ATG9B: variants seen among roughly 807,000 people sequenced by gnomAD.
ATG9B encodes autophagy-related protein 9B.
In ATG9B, 92 loss-of-function variants were observed where a neutral mutation model predicts 92.9. The ratio of observed to expected loss-of-function variants is 0.99; its 90% CI spans 0.84 to 1.18. ATG9B has a LOEUF of 1.18. Ranked by LOEUF, ATG9B falls within the 50% of genes most tolerant of loss-of-function variation. The pLI, the probability that ATG9B is intolerant of heterozygous loss-of-function variation, is 0.00. For missense variants in ATG9B, 1,344 were observed against 1,235.0 expected, an observed-to-expected ratio of 1.09 and a Z score of -1.32; for synonymous variants, 599 against 551.4, an observed-to-expected ratio of 1.09 and a Z score of -1.21.
At position 151,018,771 on chromosome 7, in the gene ATG9B, G is replaced by C; in HGVS notation, c.1567C>G (p.Leu523Val). 2.1e-6 allele frequency: 3 copies of C among 1,453,442 alleles called. No homozygotes were observed. Among genetic ancestry groups the C allele is most frequent in the Non-Finnish European group, 2.7e-6 (3 of 1,107,588 alleles). The allele number at this position is 1,453,442 out of a possible 1,614,324, so 90.0% of individuals were successfully genotyped here. ...AGCTGGCGGGCCAGCAGCGTGCGCAGGGGCGCGGGGGGCGCAGCGGTGCGC... is the reference window on the plus strand; with the variant it reads ...AGCTGGCGGGCCAGCAGCGTGCGCACGGGCGCGGGGGGCGCAGCGGTGCGC... ...FLRTAAPPAPLRTLLARQLVF... is the reference protein window; with the variant it reads ...FLRTAAPPAPVRTLLARQLVF... The change falls in exon 6 of 14, where the codon CTG becomes GTG. Residue 523 changes from leucine (L) to valine (V), a missense_variant. Coordinates refer to ENST00000639579, the MANE Select transcript of ATG9B (RefSeq NM_001317056.2). This position sits in a 1 kb window ranked among gnomAD's most constrained non-coding sequence, Gnocchi z 4.7.
downstream of ATG9B, chr7:151,014,272 C>T (rs1795391246): frequency 4.3e-6 from 5 of 1,175,268 alleles, no homozygotes; most frequent in Admixed American, 9.8e-5. Flanking sequence ...GTGGTGCCTT[C>T]TCACATCTGT....
rs1263072691 is a variant in ATG9B, at chr7:151,015,699, C to T, written c.*29G>A. ...TCCACCCTCCAATCTCCTGTGGCTGCCGAAGCCAGGGTACCTGTGGGAGGA... is the reference window on the plus strand; with the variant it reads ...TCCACCCTCCAATCTCCTGTGGCTGTCGAAGCCAGGGTACCTGTGGGAGGA... On this transcript the variant is annotated 3_prime_UTR_variant, in exon 14 of 14. Transcript: ENST00000639579. 1.3e-5 allele frequency: 10 copies of T among 777,220 alleles called. No individual in the cohort carries two copies. The East Asian group carries it at 2.2e-4, about 17-fold the overall frequency. The allele number at this position is 777,220 out of a possible 1,614,324, so 48.1% of individuals were successfully genotyped here.
rs532893665 is a variant in ATG9B, at chr7:151,022,035, A to G, written c.822-706T>C. 2.1e-4 allele frequency among the ~76,000 whole-genome samples: 30 copies of G among 145,412 alleles called. 2 individuals carry two copies. Among genetic ancestry groups the G allele is most frequent in the Admixed American group, 1.3e-3 (19 of 14,696 alleles). On this transcript the variant is annotated intron_variant, in intron 4 of 13. Transcript: ENST00000639579. ...TATTGAAACAAGGTCTCTCTCTGTT[A>G]CCCAGGCTGTAGTGCAGCAGTAGAA...
chr7:151,022,049 G>A (rs567998640), intron 4 of ATG9B, among the ~76,000 whole-genome samples: 1 of 147,742 alleles, frequency 6.8e-6, no homozygotes, highest in African/African-American at 2.5e-5. Flanking sequence ...AGGCTGTAGT[G>A]CAGCAGTAGA....
At position 151,018,958 on chromosome 7, in the gene ATG9B, G is replaced by A. The variant is rs1030709776; in HGVS notation, c.1380C>T (p.His460=). ...GCAGCTCCACGTGGCTATAGAAGAC[G>A]TGCAGAACCTGCCAGGCCAGCACCA... ...SPLVLAWQVL[H]VFYSHVELLR... is the part of the protein sequence containing the mutation. The change falls in exon 6 of 14, where the codon CAC becomes CAT. Residue 460 remains histidine (H), a synonymous_variant. Transcript: ENST00000639579. This position sits in a 1 kb window ranked among gnomAD's most constrained non-coding sequence, Gnocchi z 4.7. The A allele has an allele frequency of 1.5e-5, 24 of 1,576,226 alleles. No individual in the cohort carries two copies. Among genetic ancestry groups the A allele is most frequent in the Non-Finnish European group, 1.8e-5 (21 of 1,166,672 alleles).
chr7:151,019,748 G>A (rs1405016458), intron 5 of ATG9B: 12 of 198,788 alleles, frequency 6.0e-5, no homozygotes, highest in Admixed American at 3.5e-4. Flanking sequence ...CTGGCCAGGG[G>A]CGGTGGCTCA....
In ATG9B at chr7:151,018,948, T is replaced by C. The variant is rs749693609; in HGVS notation, c.1390A>G (p.Ser464Gly). The change falls in exon 6 of 14, where the codon AGC becomes GGC. Residue 464 changes from serine to glycine, a missense_variant. Transcript: ENST00000639579. The surrounding 1 kb of genome is among the most constrained non-coding windows in gnomAD (Gnocchi z 4.7). The stretch of plus-strand genomic sequence containing the variant: ...TCGCGCCGCAGCAGCTCCACGTGGC[T>C]ATAGAAGACGTGCAGAACCTGCCAG... ...LAWQVLHVFY[S>G]HVELLRREPG... is the part of the protein sequence containing the mutation. The C allele has an allele frequency of 9.2e-5, 145 of 1,569,534 alleles. No individual in the cohort carries two copies. Among genetic ancestry groups the C allele is most frequent in the Non-Finnish European group, 1.2e-4 (140 of 1,164,290 alleles).
At chr7:151,021,604 A>G (rs1215378539) in intron 4 of ATG9B, among the ~76,000 whole-genome samples, 1 of 151,954 alleles carries the variant, frequency 6.6e-6, no homozygotes, top group Non-Finnish European at 1.5e-5. Context: ...AAGACACGTG[A>G]ACATGTCACA....
At chr7:151,017,385 C>CAAGTCCCCA in intron 8 of ATG9B, 113 bp from the exon 9 acceptor site, 1 of 1,048,858 alleles carries the variant, frequency 9.5e-7, no homozygotes, top group Non-Finnish European at 1.4e-6. Flanking sequence ...ACAATGGGGA[C>CAAGTCCCCA]TTGTTCACCA....
intron 13 of ATG9B, 66 bp from the exon 14 acceptor site, chr7:151,015,779 A>G (rs991394828): frequency 3.0e-5 from 42 of 1,410,688 alleles, no homozygotes; most frequent in Admixed American, 2.6e-5. Context: ...ACCACCTCCC[A>G]TCACCCCAAA....
rs1563256204 is a variant in ATG9B at position 151,019,190 on chromosome 7, A to C, written c.1148T>G (p.Leu383Arg). Residue 383 changes from leucine to arginine, a missense_variant, in exon 6 of 14, where the codon CTG (leucine) becomes CGG (arginine). Leu to Arg is a moderately radical substitution (Grantham distance 102). Coordinates refer to ENST00000639579, the MANE Select transcript of ATG9B (RefSeq NM_001317056.2). The part of the protein sequence containing the change: ...NKGLLPARCP[L>R]PWGGSAAFLS... ...GAAAGCCGCACTGCCTCCCCAGGGC[A>C]GCGGGCAGCGGGCCGGCAGCAGGCC... 2 of 1,537,170 alleles carry C rather than the reference A, an allele frequency of 1.3e-6. No homozygotes were observed. The highest frequency in any genetic ancestry group is 1.7e-6 in the Non-Finnish European group (2 of 1,146,674).
Position 151,018,070 on chromosome 7 carries a change from G to A in ATG9B, c.1873-20C>T, listed in dbSNP as rs371698157. ...GGAGACCTGGGGAAGCAGCGGTGAG[G>A]CTGAGCAGGGGTCGCTGAGGGGCCC... On this transcript the variant is annotated intron_variant, in intron 7 of 13. Coordinates refer to ENST00000639579, the MANE Select transcript of ATG9B (RefSeq NM_001317056.2). The surrounding 1 kb of genome is among the most constrained non-coding windows in gnomAD (Gnocchi z 4.7). The A allele has an allele frequency of 1.8e-4, 286 of 1,559,444 alleles. No homozygotes were observed. In the African/African-American group the frequency reaches 3.4e-3, roughly 19 times the overall value.
In ATG9B at chr7:151,018,918, C is replaced by T; in HGVS notation, c.1420G>A (p.Gly474Ser). The change falls in exon 6 of 14, where the codon GGC becomes AGC. Residue 474 changes from glycine (G) to serine (S), a missense_variant. By Grantham distance (56) the Gly-to-Ser change is moderately conservative. Transcript: ENST00000639579. The surrounding 1 kb of genome is among the most constrained non-coding windows in gnomAD (Gnocchi z 4.7). Reference protein sequence around the residue: ...SHVELLRREPGALGARGWSRL... With the variant: ...SHVELLRREPSALGARGWSRL... ...GACCAGCCGCGCGCCCCCAGCGCGC[C>T]AGGCTCGCGCCGCAGCAGCTCCACG... 1 of 1,511,340 alleles carries T rather than the reference C, an allele frequency of 6.6e-7. No homozygotes were observed. Among genetic ancestry groups the T allele is most frequent in the Non-Finnish European group, 8.8e-7 (1 of 1,138,526 alleles). 93.6% of individuals were successfully genotyped at this position (1,511,340 alleles called of 1,614,324 possible). A position where few individuals can be genotyped will look rare whatever the true frequency, so the allele number is the denominator to read the frequency against.
rs1280465147 is a variant in ATG9B, at chr7:151,016,250, G to A, written c.2521-15C>T. 1 of 1,485,358 alleles carries A rather than the reference G, an allele frequency of 6.7e-7. No homozygotes were observed. 92.0% of individuals were successfully genotyped at this position (1,485,358 alleles called of 1,614,324 possible). On this transcript the variant is annotated splice_polypyrimidine_tract_variant and intron_variant, in intron 11 of 13. Transcript: ENST00000639579. ...TGCTGGTGAAGCTGCATGGAAAGGA[G>A]GAGGAATGAGGGCTGCACCCCAAGG...
rs761559828 is a variant in ATG9B at position 151,021,183 on chromosome 7, C to T, written c.963+5G>A. 5 of 1,613,234 alleles carry T rather than the reference C, an allele frequency of 3.1e-6. No homozygotes were observed. The highest frequency in any genetic ancestry group is 2.2e-5 in the South Asian group (2 of 91,072). On this transcript the variant is annotated splice_donor_5th_base_variant and intron_variant, in intron 5 of 13. Transcript: ENST00000639579. Reference sequence around the variant, plus strand: ...CCTCTGCACAGACACAGCCACCCAGCTCACCGGGGGGATGTGCAGGGCCTC... The same window carrying T: ...CCTCTGCACAGACACAGCCACCCAGTTCACCGGGGGGATGTGCAGGGCCTC...
Position 151,019,266 on chromosome 7 carries a change from G to T in ATG9B, c.1072C>A (p.His358Asn), listed in dbSNP as rs752308802. ...QPRPLTELDIHHRILRYTNYQ... is the reference protein window; with the variant it reads ...QPRPLTELDINHRILRYTNYQ... ...TTGGTGTAGCGCAGGATGCGGTGGTGGATGTCCAGCTCCGTCAGGGGCCGC... is the reference window on the plus strand; with the variant it reads ...TTGGTGTAGCGCAGGATGCGGTGGTTGATGTCCAGCTCCGTCAGGGGCCGC... The change falls in exon 6 of 14, where the codon CAC (histidine) becomes AAC (asparagine). Residue 358 changes from histidine to asparagine, a missense_variant. By Grantham distance (68) the His-to-Asn change is moderately conservative. Coordinates refer to ENST00000639579, the MANE Select transcript of ATG9B (RefSeq NM_001317056.2). The T allele has an allele frequency of 6.3e-7, 1 of 1,580,904 alleles. No homozygotes were observed.
chr7:151,012,675 A>G, downstream of ATG9B: 1 of 563,030 alleles, frequency 1.8e-6, no homozygotes, highest in Non-Finnish European at 3.1e-6. Flanking sequence ...TGCCTGGTAC[A>G]TAGTAGGTGT....
At chr7:151,013,787 G>C, downstream of ATG9B, 2 of 1,611,402 alleles carry the variant, frequency 1.2e-6, no homozygotes, top group African/African-American at 1.3e-5. Flanking sequence ...GCTGTGCCTC[G>C]AGCGGGGCCA....
Position 151,016,213 on chromosome 7 carries a change from TG to T in ATG9B, c.2542del (p.Gln848ArgfsTer62). 7.4e-7 allele frequency: 1 copy of T among 1,356,944 alleles called. No individual in the cohort carries two copies. The highest frequency in any genetic ancestry group is 2.8e-5 in the East Asian group (1 of 35,390). 84.1% of individuals were successfully genotyped at this position (1,356,944 alleles called of 1,614,324 possible). A position where few individuals can be genotyped will look rare whatever the true frequency, so the allele number is the denominator to read the frequency against. ...LHQLHQQQQQ[Q>X]EPWGEAAASI... Reference sequence around the variant, plus strand: ...GGCTGCAGCCTCACCCCACGGCTCCTGCTGCTGCTGCTGCTGGTGAAGCTGC... The same window carrying T: ...GGCTGCAGCCTCACCCCACGGCTCCTCTGCTGCTGCTGCTGGTGAAGCTGC... On this transcript the variant is annotated frameshift_variant, in exon 12 of 14. Coordinates refer to ENST00000639579, the MANE Select transcript of ATG9B (RefSeq NM_001317056.2). LOFTEE classifies it high-confidence loss of function.
Sources: allele counts gnomAD v4.1 joint callset (sites outside exome capture counted in the v4.1 genomes callset), GRCh38; gene constraint gnomAD v4.1.1; non-coding constraint Gnocchi (gnomAD v3.1); transcripts MANE v1.5; gene names NCBI Gene and HGNC (gene_info 2026-07-23, HGNC 2026-07-21).